Variants in CARNMT1 observed in about 807,000 individuals in gnomAD.
CARNMT1 encodes protein-L-histidine N-pros-methyltransferase CARNMT1.
Under a neutral mutation model 49.6 loss-of-function variants are expected in CARNMT1, and 28 were observed. That is an observed-to-expected ratio of 0.56 (90% CI 0.42 to 0.77). The LOEUF (loss-of-function observed/expected upper bound fraction) is 0.77. CARNMT1 is among the 30% of genes least tolerant of loss of function. CARNMT1 has a pLI of 0.00. For missense variants in CARNMT1, 421 were observed against 512.6 expected (o/e 0.82, Z 1.73); for synonymous variants, 178 against 175.0 (o/e 1.02, Z -0.13).
At chr9:75,023,161 A>T (rs2118875073) in intron 1 of CARNMT1, among the ~76,000 whole-genome samples, 1 of 151,486 alleles carries the variant, frequency 6.6e-6, no homozygotes, top group East Asian at 1.9e-4. Context: ...AAAGAAAAAG[A>T]AATTAAGGAG....
intron 1 of CARNMT1, among the ~76,000 whole-genome samples, chr9:75,020,722 A>C (rs1822322053): frequency 6.6e-6 from 1 of 152,196 alleles, no homozygotes; most frequent in African/African-American, 2.4e-5. Flanking sequence ...CCTGACAAAC[A>C]ACCAAAAACC....
At chr9:75,013,606 G>A (rs1205718139) in intron 3 of CARNMT1, among the ~76,000 whole-genome samples, 1 of 151,846 alleles carries the variant, frequency 6.6e-6, no homozygotes, top group Admixed American at 6.6e-5. Flanking sequence ...TCTGTGAAAT[G>A]ACAGCATAGC....
chr9:75,009,196 TA>T (rs1261498573), intron 3 of CARNMT1, among the ~76,000 whole-genome samples: 2 of 151,998 alleles, frequency 1.3e-5, no homozygotes, highest in African/African-American at 4.8e-5. Context: ...ACTTAGGAAT[TA>T]AAACTATAAA....
At chr9:75,005,829 C>A (rs1385539779) in intron 3 of CARNMT1, among the ~76,000 whole-genome samples, 3 of 19,346 alleles carry the variant, frequency 1.6e-4, no homozygotes, top group South Asian at 1.8e-3. Flanking sequence ...GAAATTAAAA[C>A]ACACACACAC....
intron 3 of CARNMT1, among the ~76,000 whole-genome samples, chr9:75,005,380 A>T (rs1037793957): frequency 1.3e-5 from 2 of 152,200 alleles, no homozygotes; most frequent in African/African-American, 4.8e-5. Context: ...AAACATAGAC[A>T]GATTGGAGAA....
intron 3 of CARNMT1, among the ~76,000 whole-genome samples, chr9:75,002,124 G>A (rs1266920669): frequency 2.0e-5 from 3 of 152,112 alleles, no homozygotes; most frequent in South Asian, 2.1e-4. Flanking sequence ...AAACAGGAAC[G>A]GAGAAGGGAT....
At chr9:75,014,103 T>C (rs1288697284) in intron 3 of CARNMT1, among the ~76,000 whole-genome samples, 1 of 131,656 alleles carries the variant, frequency 7.6e-6, no homozygotes. Context: ...AAATGGGGTA[T>C]AGAATAAAGG....
At position 75,011,790 on chromosome 9, in the gene CARNMT1, A is replaced by C. The variant is rs556164751; in HGVS notation, c.590+4478T>G. On this transcript the variant is annotated intron_variant, in intron 3 of 7. Transcript: ENST00000376834. ...AACTGTGGGTTGCCTCTAGGAGATG[A>C]GGCAGGCTTCCAACTGACAAACAGA... is the stretch of plus-strand genomic sequence containing the variant. Among the ~76,000 whole-genome samples the C allele has an allele frequency of 5.9e-5, 9 of 152,310 alleles. No homozygotes were observed. The South Asian group carries it at 1.9e-3, about 32-fold the overall frequency.
chr9:74,996,229 G>A (rs909174591), intron 6 of CARNMT1: 7 of 417,458 alleles, frequency 1.7e-5, no homozygotes, highest in African/African-American at 1.2e-4. Context: ...TACAATGACT[G>A]TGAGACTGAC....
rs1408194041 is a variant in CARNMT1 at position 74,989,656 on chromosome 9, TA to T, written c.1025-4647del. On this transcript the variant is annotated intron_variant, in intron 6 of 7. Transcript: ENST00000376834. ...GGCTCCCCCCATGCTGTTCTCAGGA[TA>T]CTGAGTTCTTGCAAGATCTGATGCT... Among the ~76,000 whole-genome samples the T allele has an allele frequency of 2.0e-5, 3 of 152,192 alleles. No individual in the cohort carries two copies. In the East Asian group the frequency reaches 5.8e-4, roughly 29 times the overall value.
intron 2 of CARNMT1, 126 bp from the exon 3 acceptor site, chr9:75,016,557 A>G: frequency 1.2e-6 from 1 of 816,762 alleles, no homozygotes. Context: ...TCTCACCTCA[A>G]CTGGGGTTCA....
Position 74,996,524 on chromosome 9 carries a change from T to G in CARNMT1, c.947A>C (p.Asp316Ala). The G allele has an allele frequency of 6.2e-7, 1 of 1,606,920 alleles. No homozygotes were observed. Among genetic ancestry groups the G allele is most frequent in the South Asian group, 1.1e-5 (1 of 89,654 alleles). Residue 316 changes from aspartate to alanine, a missense_variant, in exon 6 of 8, where the codon GAC becomes GCC. Asp to Ala is a moderately radical substitution (Grantham distance 126). Around this residue, in one of 2 missense-constraint regions of CARNMT1, gnomAD observed 235 missense variants for 344.8 expected, o/e 0.68. Coordinates refer to ENST00000376834, the MANE Select transcript of CARNMT1 (RefSeq NM_152420.3). ...ATAATCAATTACATTGTGAGCTGTG[T>G]CTATGAAGAAACAGGTAGCAATACA... is the stretch of plus-strand genomic sequence containing the variant. ...WDCIATCFFI[D>A]TAHNVIDYID...
chr9:75,021,584 C>T (rs1390547676), intron 1 of CARNMT1, among the ~76,000 whole-genome samples: 2 of 151,398 alleles, frequency 1.3e-5, no homozygotes, highest in Non-Finnish European at 2.9e-5. Context: ...GGAAAGAAGG[C>T]CTAATAATTC....
At chr9:75,027,009 T>G (rs548608097) in intron 1 of CARNMT1, 5 of 1,098,850 alleles carry the variant, frequency 4.6e-6, no homozygotes, top group South Asian at 4.0e-5. Context: ...TAAAAAAACT[T>G]TGCATAAAGC....
intron 1 of CARNMT1, among the ~76,000 whole-genome samples, chr9:75,026,843 C>T (rs1439247866): frequency 6.6e-6 from 1 of 152,164 alleles, no homozygotes; most frequent in Non-Finnish European, 1.5e-5. Context: ...AAATGTATTT[C>T]TTTGCTACTA....
intron 1 of CARNMT1, among the ~76,000 whole-genome samples, chr9:75,017,847 T>C (rs1329815854): frequency 6.6e-6 from 1 of 152,194 alleles, no homozygotes; most frequent in Non-Finnish European, 1.5e-5. Context: ...AAATATGTCC[T>C]GAAATTAACT....
chr9:75,012,888 A>G (rs1833741435), intron 3 of CARNMT1, among the ~76,000 whole-genome samples: 1 of 151,512 alleles, frequency 6.6e-6, no homozygotes, highest in African/African-American at 2.4e-5. Flanking sequence ...ACTGCACTCC[A>G]GCCTGGGCGA....
chr9:75,021,711 G>C (rs1166572445), intron 1 of CARNMT1, among the ~76,000 whole-genome samples: 1 of 151,946 alleles, frequency 6.6e-6, no homozygotes, highest in Non-Finnish European at 1.5e-5. Context: ...TGGGAAGCCT[G>C]TTTGAGGCCA....
chr9:75,005,301 T>C (rs1833467977), intron 3 of CARNMT1, among the ~76,000 whole-genome samples: 1 of 152,182 alleles, frequency 6.6e-6, no homozygotes, highest in Non-Finnish European at 1.5e-5. Context: ...ACAGACTCTA[T>C]ACAAAAGCAA....
Sources: allele counts gnomAD v4.1 joint callset (sites outside exome capture counted in the v4.1 genomes callset), GRCh38; gene constraint gnomAD v4.1.1; regional missense constraint gnomAD v4.1.1; transcripts MANE v1.5; gene names NCBI Gene and HGNC (gene_info 2026-07-23, HGNC 2026-07-21).